The following UTP6 variants were observed in gnomAD, a reference collection of about 807,000 sequenced individuals.
UTP6 encodes the protein UTP6 small subunit processome component, also known as U3 small nucleolar RNA-associated protein 6 homolog.
UTP6 carries 60 observed loss-of-function variants against 96.5 expected under a neutral mutation model. The observed-to-expected ratio is 0.62, with a 90% confidence interval of 0.51 to 0.77. UTP6 has a LOEUF of 0.77. Ranked by LOEUF, UTP6 falls within the 30% of genes least tolerant of loss-of-function variation. UTP6 has a pLI of 0.00. For synonymous variants in UTP6, 215 were observed against 240.1 expected (o/e 0.90, Z 0.96); for missense variants, 637 against 706.5 (o/e 0.90, Z 1.12).
At chr17:31,868,216 T>C (rs1909941024) in intron 16 of UTP6, 104 bp from the exon 17 acceptor site, 2 of 988,748 alleles carry the variant, frequency 2.0e-6, no homozygotes, top group Non-Finnish European at 2.9e-6. Context: ...CATGGTTTAA[T>C]AAAGACTTGA....
intron 10 of UTP6, among the ~76,000 whole-genome samples, chr17:31,882,816 C>T (rs549874833): frequency 7.2e-5 from 11 of 151,980 alleles, no homozygotes; most frequent in African/African-American, 2.7e-4. Context: ...GACAGGGTCT[C>T]ACTCTGTCAC....
chr17:31,884,433 ATC>A lies in UTP6; in HGVS notation c.774_775del (p.Glu258AspfsTer3). On this transcript the variant is annotated frameshift_variant, in exon 10 of 19. Coordinates refer to ENST00000261708, the MANE Select transcript of UTP6 (RefSeq NM_018428.3). LOFTEE classifies it high-confidence loss of function. ...TACTAACTTTACTTACTCATCATAA[ATC>A]TCTTTTTGTAGATCTTTGGCAAAGT... is the stretch of plus-strand genomic sequence containing the variant. The A allele has an allele frequency of 1.9e-6, 3 of 1,610,550 alleles. No homozygotes were observed. The highest frequency in any genetic ancestry group is 2.5e-6 in the Non-Finnish European group (3 of 1,178,476).
At chr17:31,865,505 A>G (rs1909762876) in intron 17 of UTP6, 67 bp from the exon 18 acceptor site, 1 of 1,459,748 alleles carries the variant, frequency 6.9e-7, no homozygotes, top group Non-Finnish European at 9.5e-7. Context: ...TTCCAACCAT[A>G]TTGTTAAGCA....
chr17:31,873,253 T>TAA, intron 16 of UTP6, 125 bp downstream of exon 16: 1 of 895,812 alleles, frequency 1.1e-6, no homozygotes, highest in Non-Finnish European at 1.7e-6. Context: ...GACTCCATCT[T>TAA]AAAAAAAAAG....
chr17:31,894,617 T>A (rs1450576122), intron 4 of UTP6, 28 bp downstream of exon 4: 8 of 1,506,080 alleles, frequency 5.3e-6, no homozygotes, highest in Non-Finnish European at 7.3e-6. Context: ...TCACATCTCA[T>A]AAAGTTAAGG....
chr17:31,880,548 C>G (rs1489571490), intron 11 of UTP6, 25 bp downstream of exon 11: 2 of 1,613,470 alleles, frequency 1.2e-6, no homozygotes, highest in East Asian at 2.2e-5. Flanking sequence ...CCTTCTATAT[C>G]ACACCATGGT....
chr17:31,874,917 G>T (rs991326132), intron 14 of UTP6, among the ~76,000 whole-genome samples: 3 of 135,524 alleles, frequency 2.2e-5, no homozygotes, highest in African/African-American at 8.5e-5. Flanking sequence ...GGACAACAGA[G>T]CGAGACTCCA....
intron 11 of UTP6, among the ~76,000 whole-genome samples, chr17:31,879,173 T>C (rs534889287): frequency 6.5e-4 from 99 of 152,300 alleles, no homozygotes; most frequent in Admixed American, 1.8e-3. Context: ...GCTGATCACC[T>C]GAAGTCAGGA....
chr17:31,892,340 T>C lies in UTP6; in HGVS notation c.361-17A>G. On this transcript the variant is annotated splice_polypyrimidine_tract_variant and intron_variant, in intron 5 of 18. Coordinates refer to ENST00000261708, the MANE Select transcript of UTP6 (RefSeq NM_018428.3). ...TTTAGTAGCCTGTAAAAAAGGAAAA[T>C]ATTTCTACTTCCTGCACAGATAAAT... 1 of 1,609,126 alleles carries C rather than the reference T, an allele frequency of 6.2e-7. No homozygotes were observed. The highest frequency in any genetic ancestry group is 1.1e-5 in the South Asian group (1 of 90,920).
intron 3 of UTP6, 108 bp downstream of exon 3, chr17:31,894,862 T>C: frequency 1.6e-6 from 2 of 1,277,866 alleles, no homozygotes; most frequent in Non-Finnish European, 2.2e-6. Flanking sequence ...ATTATAGGCA[T>C]ATCACCACAG....
At chr17:31,884,294 G>A (rs759788274) in intron 10 of UTP6, 130 bp downstream of exon 10, 34 of 709,702 alleles carry the variant, frequency 4.8e-5, no homozygotes, top group East Asian at 6.2e-5. Context: ...CACTGCACCC[G>A]GCCAATATTA....
chr17:31,877,966 C>CAA (rs527445811), intron 13 of UTP6, among the ~76,000 whole-genome samples: 2 of 52,238 alleles, frequency 3.8e-5, no homozygotes, highest in Admixed American at 2.2e-4. Context: ...AACTCCGTCT[C>CAA]AAAAAAAAAA....
chr17:31,895,761 C>T (rs945092775), intron 2 of UTP6, among the ~76,000 whole-genome samples: 3 of 151,796 alleles, frequency 2.0e-5, no homozygotes, highest in Non-Finnish European at 2.9e-5. Context: ...CTTGAACTCC[C>T]GACCTCGAGT....
Position 31,878,300 on chromosome 17 carries a change from T to C in UTP6, c.1075A>G (p.Arg359Gly), listed in dbSNP as rs188945229. The stretch of plus-strand genomic sequence containing the variant: ...AGAAGCTTCAGTTCATGTGCCTTCC[T>C]GAATACAGTCATGGTTCTTTCCAAC... The part of the protein sequence containing the change: ...KRLERTMTVF[R>G]KAHELKLLSE... The change falls in exon 13 of 19, where the codon AGG (arginine) becomes GGG (glycine). Residue 359 changes from arginine to glycine, a missense_variant. Transcript: ENST00000261708. The C allele has an allele frequency of 1.9e-6, 3 of 1,614,234 alleles. No individual in the cohort carries two copies. The African/African-American group carries it at 4.0e-5, about 22-fold the overall frequency.
chr17:31,873,542 A>T, intron 15 of UTP6, 55 bp from the exon 16 acceptor site: 1 of 1,607,080 alleles, frequency 6.2e-7, no homozygotes, highest in South Asian at 1.1e-5. Context: ...ATAGATACCA[A>T]AACAGATTTT....
In UTP6 at chr17:31,889,365, G is replaced by C. The variant is rs139868836; in HGVS notation, c.463C>G (p.Arg155Gly). 2.2e-3 allele frequency: 3,488 copies of C among 1,613,698 alleles called. 13 individuals carry two copies. The highest frequency in any genetic ancestry group is 2.3e-3 in the Non-Finnish European group (2,688 of 1,179,876). The change falls in exon 7 of 19, where the codon CGA becomes GGA. Residue 155 changes from arginine to glycine, a missense_variant. By Grantham distance (125) the Arg-to-Gly change is moderately radical. Coordinates refer to ENST00000261708, the MANE Select transcript of UTP6 (RefSeq NM_018428.3). The part of the protein sequence containing the change: ...IMAAKWEMED[R>G]LSSESARQLF... The stretch of plus-strand genomic sequence containing the variant: ...TGCCTTGCGCTTTCTGAAGACAATC[G>C]ATCTTCCATTTCCCATTTGGCTGCC...
At chr17:31,896,851 G>A (rs2142326406) in intron 2 of UTP6, among the ~76,000 whole-genome samples, 1 of 152,146 alleles carries the variant, frequency 6.6e-6, no homozygotes. Flanking sequence ...GCCTAGGCTG[G>A]TCTTGAACTC....
rs149138067 is a variant in UTP6 at position 31,882,718 on chromosome 17, T to C, written c.785+1706A>G. Among the ~76,000 whole-genome samples, 571 of 152,294 alleles carry C rather than the reference T, an allele frequency of 3.7e-3. 1 individual carries two copies. Among genetic ancestry groups the C allele is most frequent in the Non-Finnish European group, 6.0e-3 (407 of 68,014 alleles). On this transcript the variant is annotated intron_variant, in intron 10 of 18. Coordinates refer to ENST00000261708, the MANE Select transcript of UTP6 (RefSeq NM_018428.3). ...AAACAACAGATTGATTCAAGTTCCA[T>C]TTCCCCTCCTGTCAAAGGAAGAGGT... is the stretch of plus-strand genomic sequence containing the variant.
At position 31,862,054 on chromosome 17, in the gene UTP6, G is replaced by A. The variant is rs1909578313; in HGVS notation, c.*1305C>T. The A allele has an allele frequency of 6.6e-6, 1 of 152,234 alleles. No homozygotes were observed. Among genetic ancestry groups the A allele is most frequent in the South Asian group, 2.1e-4 (1 of 4,824 alleles). 9.4% of individuals were successfully genotyped at this position (152,234 alleles called of 1,614,324 possible). A position where few individuals can be genotyped will look rare whatever the true frequency, so the allele number is the denominator to read the frequency against. Reference sequence around the variant, plus strand: ...TTCACGCCTGTAATCCCAACACTTTGGGAGGCCAAGGCGGGTGGATCATGA... The same window carrying A: ...TTCACGCCTGTAATCCCAACACTTTAGGAGGCCAAGGCGGGTGGATCATGA... On this transcript the variant is annotated 3_prime_UTR_variant, in exon 19 of 19. Transcript: ENST00000261708.
Sources: gnomAD v4.1 joint callset for allele counts (sites outside exome capture counted in the v4.1 genomes callset) on GRCh38, gnomAD v4.1.1 for gene constraint, MANE v1.5 for transcripts, NCBI Gene and HGNC (gene_info 2026-07-23, HGNC 2026-07-21) for gene names.